Variants in AP2B1 observed in about 807,000 individuals in gnomAD.
AP2B1 encodes the protein AP-2 complex subunit beta.
In AP2B1, 23 loss-of-function variants were observed where a neutral mutation model predicts 102.0. The observed-to-expected ratio is 0.23, with a 90% confidence interval of 0.16 to 0.32. The LOEUF (loss-of-function observed/expected upper bound fraction) is 0.32, where lower values mean the gene tolerates loss of function less well. AP2B1 is among the 10% of genes least tolerant of loss of function. The probability of loss-of-function intolerance (pLI) is 1.00; values close to 1 mark genes in which losing one functional copy is unlikely to be tolerated. For synonymous variants in AP2B1, 381 were observed against 421.2 expected (o/e 0.90, Z 1.17); for missense variants, 541 against 1,157.4 (o/e 0.47, Z 7.73).
intron 14 of AP2B1, among the ~76,000 whole-genome samples, chr17:35,660,643 C>T (rs1329840616): frequency 4.6e-5 from 7 of 151,860 alleles, no homozygotes; most frequent in East Asian, 1.9e-4. Flanking sequence ...CCACCACGCC[C>T]GGCTAATTTT....
chr17:35,589,094 C>T (rs1361090760), intron 1 of AP2B1, among the ~76,000 whole-genome samples: 1 of 152,066 alleles, frequency 6.6e-6, no homozygotes, highest in East Asian at 1.9e-4. Context: ...TCCTTTGCTT[C>T]GTTATAATAT....
intron 20 of AP2B1, among the ~76,000 whole-genome samples, chr17:35,711,623 C>T (rs2076452424): frequency 2.0e-5 from 3 of 152,104 alleles, no homozygotes; most frequent in Admixed American, 1.3e-4. Flanking sequence ...CGCCAGCCAC[C>T]ACACCCGGCT....
intron 9 of AP2B1, among the ~76,000 whole-genome samples, chr17:35,634,332 G>A (rs1007131704): frequency 1.3e-5 from 2 of 152,144 alleles, no homozygotes; most frequent in African/African-American, 4.8e-5. Flanking sequence ...TAAATCTAGA[G>A]GCTTGGTAAT....
intron 18 of AP2B1, among the ~76,000 whole-genome samples, chr17:35,706,423 A>G (rs587683943): frequency 6.6e-6 from 1 of 152,316 alleles, no homozygotes; most frequent in Non-Finnish European, 1.5e-5. Context: ...TATTTATGCC[A>G]GGTCCCAGAT....
intron 2 of AP2B1, among the ~76,000 whole-genome samples, chr17:35,596,627 CG>C (rs2073287433): frequency 6.6e-6 from 1 of 151,638 alleles, no homozygotes; most frequent in South Asian, 2.1e-4. Flanking sequence ...ACTCGGGTGG[CG>C]GCCAGCCTGC....
chr17:35,695,616 C>A (rs1030361596), intron 18 of AP2B1, among the ~76,000 whole-genome samples: 1 of 152,068 alleles, frequency 6.6e-6, no homozygotes, highest in Non-Finnish European at 1.5e-5. Flanking sequence ...CAGTGTATAA[C>A]CTCCCTGTGA....
chr17:35,655,099 A>G (rs182912338), intron 13 of AP2B1, among the ~76,000 whole-genome samples: 2 of 152,254 alleles, frequency 1.3e-5, no homozygotes, highest in East Asian at 3.9e-4. Context: ...CTGTCAGTGG[A>G]TTATTCCGGT....
intron 13 of AP2B1, among the ~76,000 whole-genome samples, chr17:35,655,207 G>A (rs1359077515): frequency 6.6e-6 from 1 of 152,068 alleles, no homozygotes; most frequent in Non-Finnish European, 1.5e-5. Flanking sequence ...GTTAGTAATA[G>A]ATTAGCTCGC....
intron 1 of AP2B1, among the ~76,000 whole-genome samples, chr17:35,588,900 CT>C (rs2072992867): frequency 6.6e-6 from 1 of 152,214 alleles, no homozygotes; most frequent in South Asian, 2.1e-4. Context: ...TTCATTCTTT[CT>C]TTCCTTAAAA....
intron 5 of AP2B1, among the ~76,000 whole-genome samples, chr17:35,622,645 C>G (rs2074212009): frequency 6.6e-6 from 1 of 152,102 alleles, no homozygotes; most frequent in Non-Finnish European, 1.5e-5. Flanking sequence ...CCTATCACAT[C>G]TCATTTATAC....
chr17:35,617,767 A>T (rs2074065162), intron 5 of AP2B1, among the ~76,000 whole-genome samples: 2 of 152,140 alleles, frequency 1.3e-5, no homozygotes, highest in Non-Finnish European at 2.9e-5. Context: ...AAATGGGGAG[A>T]TCATAAGTGG....
chr17:35,635,753 A>G (rs1192354237), intron 9 of AP2B1, among the ~76,000 whole-genome samples: 2 of 151,984 alleles, frequency 1.3e-5, no homozygotes, highest in African/African-American at 2.4e-5. Context: ...CTGGAGTACA[A>G]TGGCGCGATC....
chr17:35,662,551 T>A (rs919955396), intron 14 of AP2B1, among the ~76,000 whole-genome samples: 19 of 104,070 alleles, frequency 1.8e-4, no homozygotes, highest in South Asian at 3.3e-4. Context: ...TTTTTTTTTT[T>A]ATGACTCTGG....
At chr17:35,716,153 C>T (rs2076547199) in intron 20 of AP2B1, among the ~76,000 whole-genome samples, 1 of 152,176 alleles carries the variant, frequency 6.6e-6, no homozygotes, top group Admixed American at 6.5e-5. Context: ...GCAACCTTTT[C>T]CCAGAGAGCA....
chr17:35,606,868 T>C (rs2073694037), intron 4 of AP2B1, among the ~76,000 whole-genome samples: 1 of 152,054 alleles, frequency 6.6e-6, no homozygotes. Context: ...TTTCCTATCA[T>C]AGATTTAAAG....
rs1385555246 is a variant in AP2B1 at position 35,724,863 on chromosome 17, T to C, written c.*1164T>C. 6.6e-6 allele frequency: 1 copy of C among 152,218 alleles called. No individual in the cohort carries two copies. The highest frequency in any genetic ancestry group is 2.4e-5 in the African/African-American group (1 of 41,450). The allele number at this position is 152,218 out of a possible 1,614,324, so 9.4% of individuals were successfully genotyped here. On this transcript the variant is annotated 3_prime_UTR_variant, in exon 22 of 22. Coordinates refer to ENST00000610402, the MANE Select transcript of AP2B1 (RefSeq NM_001030006.2). Reference sequence around the variant, plus strand: ...CATATTGATTTTGACGCTCTGTATATTGGCATCAGGTGGCAGCTGAATATC... The same window carrying C: ...CATATTGATTTTGACGCTCTGTATACTGGCATCAGGTGGCAGCTGAATATC...
intron 17 of AP2B1, among the ~76,000 whole-genome samples, chr17:35,679,160 G>A (rs995244931): frequency 2.0e-5 from 3 of 152,132 alleles, no homozygotes; most frequent in Admixed American, 1.3e-4. Flanking sequence ...GAAGCTAGGC[G>A]GGTAGTTTTT....
At chr17:35,684,808 C>G (rs74427538) in intron 18 of AP2B1, among the ~76,000 whole-genome samples, 1 of 151,968 alleles carries the variant, frequency 6.6e-6, no homozygotes, top group Non-Finnish European at 1.5e-5. Context: ...TCAGCATGCA[C>G]GCAAGAATGC....
At chr17:35,601,526 C>T (rs2073481475) in intron 3 of AP2B1, among the ~76,000 whole-genome samples, 1 of 152,154 alleles carries the variant, frequency 6.6e-6, no homozygotes, top group Non-Finnish European at 1.5e-5. Context: ...GCCTTGGCCC[C>T]CCGAAGTGTT....
Sources: gnomAD v4.1 joint callset for allele counts (sites outside exome capture counted in the v4.1 genomes callset) on GRCh38, gnomAD v4.1.1 for gene constraint, MANE v1.5 for transcripts, NCBI Gene and HGNC (gene_info 2026-07-23, HGNC 2026-07-21) for gene names.